The following NFIA variants were observed in gnomAD, a reference collection of about 807,000 sequenced individuals.
The protein encoded by NFIA is nuclear factor I A.
In NFIA, 8 loss-of-function variants were observed where a neutral mutation model predicts 62.8. The observed-to-expected ratio is 0.13, with a 90% CI of 0.07 to 0.23. The LOEUF (loss-of-function observed/expected upper bound fraction) is 0.23, where lower values mean the gene tolerates loss of function less well. NFIA is among the 10% of genes least tolerant of loss of function. The pLI, the probability that NFIA is intolerant of heterozygous loss-of-function variation, is 1.00. For synonymous variants in NFIA, 235 were observed against 238.1 expected, an observed-to-expected ratio of 0.99 and a Z score of 0.12; for missense variants, 410 against 642.1, an observed-to-expected ratio of 0.64 and a Z score of 3.91.
chr1:61,425,296 A>C (rs866830125), intron 9 of NFIA, among the ~76,000 whole-genome samples: 3 of 152,204 alleles, frequency 2.0e-5, no homozygotes, highest in African/African-American at 2.4e-5. Flanking sequence ...ACAGAAAGCC[A>C]GAGTAAGAGG....
chr1:61,412,534 A>C (rs1019968856), intron 9 of NFIA, among the ~76,000 whole-genome samples: 1 of 152,170 alleles, frequency 6.6e-6, no homozygotes, highest in African/African-American at 2.4e-5. Flanking sequence ...TGACCTGAGC[A>C]ACTAGGATAG....
At chr1:61,364,422 G>A (rs1663475310) in intron 6 of NFIA, among the ~76,000 whole-genome samples, 1 of 152,012 alleles carries the variant, frequency 6.6e-6, no homozygotes, top group Non-Finnish European at 1.5e-5. Flanking sequence ...GAGAATTTGG[G>A]GTGCTTTCAA....
chr1:61,234,181 C>T (rs147638239), intron 2 of NFIA, among the ~76,000 whole-genome samples: 6,229 of 151,874 alleles, frequency 0.041, 181 homozygotes, highest in Non-Finnish European at 0.061. Context: ...CAGCCTGACC[C>T]ACATGGAGAA....
intron 9 of NFIA, among the ~76,000 whole-genome samples, chr1:61,419,971 G>C (rs1666531801): frequency 6.6e-6 from 1 of 152,168 alleles, no homozygotes; most frequent in Admixed American, 6.5e-5. Context: ...CGAGGTAGCT[G>C]TACAGATGTG....
At chr1:61,184,621 T>A (rs960731326) in intron 2 of NFIA, among the ~76,000 whole-genome samples, 5 of 152,218 alleles carry the variant, frequency 3.3e-5, no homozygotes, top group South Asian at 2.1e-4. Context: ...ACCGACACAC[T>A]CTAATTTTTT....
chr1:61,450,849 T>TA (rs1451784848), intron 10 of NFIA, among the ~76,000 whole-genome samples: 1 of 152,200 alleles, frequency 6.6e-6, no homozygotes, highest in Admixed American at 6.5e-5. Flanking sequence ...TAAAGTAAAA[T>TA]ACAAAATACA....
intron 7 of NFIA, among the ~76,000 whole-genome samples, chr1:61,398,560 A>G (rs1429298872): frequency 6.6e-6 from 1 of 152,204 alleles, no homozygotes; most frequent in Non-Finnish European, 1.5e-5. Flanking sequence ...CTGTCAAGCC[A>G]TGTCATATAT....
chr1:61,180,440 A>G (rs546574754), intron 2 of NFIA, among the ~76,000 whole-genome samples: 1 of 152,168 alleles, frequency 6.6e-6, no homozygotes, highest in Admixed American at 6.5e-5. Flanking sequence ...GAATATTTAT[A>G]TTACTCATTG....
intron 2 of NFIA, among the ~76,000 whole-genome samples, chr1:61,153,516 A>T (rs1648572664): frequency 6.6e-6 from 1 of 152,230 alleles, no homozygotes; most frequent in African/African-American, 2.4e-5. Flanking sequence ...GTTAATAACT[A>T]ATTTTCCCGT....
At chr1:61,148,420 G>A (rs1346929964) in intron 2 of NFIA, among the ~76,000 whole-genome samples, 3 of 151,928 alleles carry the variant, frequency 2.0e-5, no homozygotes, top group South Asian at 2.1e-4. Flanking sequence ...GCTAATTCCC[G>A]CTGGTTCTTT....
At chr1:61,410,206 C>T (rs1666036172) in intron 9 of NFIA, among the ~76,000 whole-genome samples, 1 of 152,018 alleles carries the variant, frequency 6.6e-6, no homozygotes, top group Non-Finnish European at 1.5e-5. Context: ...TGTGGGCCTC[C>T]AGGTAAAGGT....
intron 2 of NFIA, among the ~76,000 whole-genome samples, chr1:61,132,308 C>T (rs770026798): frequency 1.4e-4 from 22 of 152,156 alleles, no homozygotes; most frequent in Non-Finnish European, 3.2e-4. Context: ...TTCCTGGATC[C>T]ACCCGAGGAG....
At chr1:61,246,232 T>A (rs2100651020) in intron 2 of NFIA, among the ~76,000 whole-genome samples, 1 of 152,302 alleles carries the variant, frequency 6.6e-6, no homozygotes, top group South Asian at 2.1e-4. Flanking sequence ...TGGAACTCCT[T>A]TACAAGTATT....
At chr1:61,436,083 G>T (rs1461004965) in intron 10 of NFIA, among the ~76,000 whole-genome samples, 1 of 152,172 alleles carries the variant, frequency 6.6e-6, no homozygotes, top group East Asian at 1.9e-4. Flanking sequence ...GGGTCACCGT[G>T]TGCTGGTTAA....
intron 6 of NFIA, among the ~76,000 whole-genome samples, chr1:61,364,350 C>T (rs1248407374): frequency 6.6e-6 from 1 of 152,180 alleles, no homozygotes; most frequent in African/African-American, 2.4e-5. Flanking sequence ...ACATCCATAA[C>T]AGTGTCTAGC....
rs1264729623 is a variant in NFIA at position 61,455,298 on chromosome 1, TC to T, written c.1513-3del. On this transcript the variant is annotated splice_polypyrimidine_tract_variant and splice_region_variant and intron_variant, in intron 10 of 10. Coordinates refer to ENST00000403491, the MANE Select transcript of NFIA (RefSeq NM_001134673.4). ...TTTAATTGTATTTTTCCTTTTGTCT[TC>T]CAGTCCTGGTACCTGGGATAAAAGT... 2 of 1,613,910 alleles carry T rather than the reference TC, an allele frequency of 1.2e-6. No individual in the cohort carries two copies. The highest frequency in any genetic ancestry group is 2.2e-5 in the South Asian group (2 of 91,054).
At chr1:61,187,456 C>T (rs926224550) in intron 2 of NFIA, among the ~76,000 whole-genome samples, 1 of 152,180 alleles carries the variant, frequency 6.6e-6, no homozygotes, top group African/African-American at 2.4e-5. Context: ...ACTCAGAAAT[C>T]GATGCATCTG....
chr1:61,318,513 A>C (rs1443724194), intron 3 of NFIA, among the ~76,000 whole-genome samples: 1 of 152,224 alleles, frequency 6.6e-6, no homozygotes, highest in Admixed American at 6.5e-5. Context: ...TCTGAGCTGC[A>C]AAGGACACTC....
intron 9 of NFIA, among the ~76,000 whole-genome samples, chr1:61,417,265 T>TTG (rs5774557): frequency 0.51 from 70,461 of 138,952 alleles, 18,474 homozygotes; most frequent in East Asian, 0.84. Flanking sequence ...TTCCTCATCT[T>TTG]TGTGTGTGTG....
Sources: allele counts gnomAD v4.1 joint callset (sites outside exome capture counted in the v4.1 genomes callset), GRCh38; gene constraint gnomAD v4.1.1; transcripts MANE v1.5; gene names NCBI Gene and HGNC (gene_info 2026-07-23, HGNC 2026-07-21).